Variants in ZNF280D observed in about 807,000 individuals in gnomAD.
ZNF280D encodes the protein zinc finger protein 280D, also known as suppressor of hairy wing homolog 4.
Under a neutral mutation model 94.7 loss-of-function variants are expected in ZNF280D, and 39 were observed. The ratio of observed to expected loss-of-function variants is 0.41; its 90% CI spans 0.32 to 0.54. The LOEUF is 0.54. ZNF280D is among the 20% of genes least tolerant of loss of function. ZNF280D has a pLI of 0.22. For missense variants in ZNF280D, 1,090 were observed against 1,149.3 expected (o/e 0.95, Z 0.75); for synonymous variants, 398 against 377.6 (o/e 1.05, Z -0.63).
chr15:56,707,092 A>C lies in ZNF280D; in HGVS notation c.18T>G (p.Phe6Leu). Residue 6 changes from phenylalanine to leucine, a missense_variant, in exon 3 of 22, where the codon TTT becomes TTG. Phe to Leu is a conservative substitution (Grantham distance 22, BLOSUM62 0). Around this residue, in one of 3 missense-constraint regions of ZNF280D, gnomAD observed 386 missense variants for 372.0 expected, o/e 1.04. Coordinates refer to ENST00000267807, the MANE Select transcript of ZNF280D (RefSeq NM_017661.4). MGDNPFQPKSNSKMAE... is the reference protein window; with the variant it reads MGDNPLQPKSNSKMAE... ...GGCAGCAACACTTACTTTTTGGTTG[A>C]AAAGGGTTGTCGCCCATCAAGCTGC... is the stretch of plus-strand genomic sequence containing the variant. 6.2e-7 allele frequency: 1 copy of C among 1,613,884 alleles called. No homozygotes were observed. The highest frequency in any genetic ancestry group is 8.5e-7 in the Non-Finnish European group (1 of 1,179,876).
intron 13 of ZNF280D, among the ~76,000 whole-genome samples, chr15:56,671,557 C>G (rs1276611260): frequency 6.6e-6 from 1 of 152,104 alleles, no homozygotes; most frequent in Admixed American, 6.6e-5. Flanking sequence ...GTTCCAGTAC[C>G]AAGCTGTTTT....
At chr15:56,731,553 TGGG>T (rs35874546) in intron 1 of ZNF280D, among the ~76,000 whole-genome samples, 1 of 112,346 alleles carries the variant, frequency 8.9e-6, no homozygotes, top group South Asian at 3.0e-4. Context: ...TTTGAAGAAA[TGGG>T]GGGAAATGTG....
intron 1 of ZNF280D, among the ~76,000 whole-genome samples, chr15:56,722,257 T>A (rs2141416236): frequency 6.6e-6 from 1 of 152,254 alleles, no homozygotes; most frequent in South Asian, 2.1e-4. Context: ...TAATTTAAAG[T>A]CTGAAATATT....
chr15:56,654,552 A>C, intron 17 of ZNF280D, 49 bp from the exon 18 acceptor site: 2 of 1,500,636 alleles, frequency 1.3e-6, no homozygotes, highest in East Asian at 4.6e-5. Context: ...ATGAAAATCC[A>C]CTTATAAGTT....
chr15:56,645,523 G>T (rs2052839145), intron 19 of ZNF280D, among the ~76,000 whole-genome samples: 2 of 152,062 alleles, frequency 1.3e-5, no homozygotes, highest in South Asian at 4.2e-4. Flanking sequence ...TTTTCTGCAG[G>T]TCTTAGGAGC....
intron 13 of ZNF280D, among the ~76,000 whole-genome samples, chr15:56,672,847 T>G (rs8036881): frequency 0.028 from 4,148 of 149,470 alleles, 179 homozygotes; most frequent in African/African-American, 0.096. Context: ...GGATCTTAAG[T>G]TTTTTTTTTC....
intron 1 of ZNF280D, among the ~76,000 whole-genome samples, chr15:56,728,936 G>A (rs956951909): frequency 6.6e-6 from 1 of 152,178 alleles, no homozygotes; most frequent in Non-Finnish European, 1.5e-5. Context: ...GCCAAGCTAC[G>A]ATGTTCAGTA....
intron 16 of ZNF280D, 27 bp from the exon 17 acceptor site, chr15:56,658,513 A>C: frequency 1.3e-6 from 2 of 1,481,576 alleles, no homozygotes; most frequent in Non-Finnish European, 1.8e-6. Context: ...GATAGTAAAA[A>C]TTTTATTATA....
At chr15:56,706,671 G>A (rs1456645503) in intron 3 of ZNF280D, among the ~76,000 whole-genome samples, 2 of 151,928 alleles carry the variant, frequency 1.3e-5, no homozygotes, top group Non-Finnish European at 2.9e-5. Flanking sequence ...ACTTTGTTAT[G>A]GCAGCCCTAG....
rs2054621333 is a variant in ZNF280D, at chr15:56,669,903, ATATATATATAT to A, written c.1411-957_1411-947del. On this transcript the variant is annotated intron_variant, in intron 13 of 21. Transcript: ENST00000267807. ...TATATATATATTATATATATATATAATATATATATATTATATATATATTATATATATATTAT... is the reference window on the plus strand; with the variant it reads ...TATATATATATTATATATATATATAATATATATATATTATATATATATTAT... Among the ~76,000 whole-genome samples the A allele has an allele frequency of 5.5e-3, 14 of 2,548 alleles. 3 individuals are homozygous for A. Among genetic ancestry groups the A allele is most frequent in the African/African-American group, 0.015 (14 of 920 alleles). 1.7% of individuals were successfully genotyped at this position (2,548 alleles called of 152,430 possible). A position where few individuals can be genotyped will look rare whatever the true frequency, so the allele number is the denominator to read the frequency against.
intron 1 of ZNF280D, among the ~76,000 whole-genome samples, chr15:56,732,369 C>T (rs762683062): frequency 2.0e-5 from 3 of 152,170 alleles, no homozygotes; most frequent in Non-Finnish European, 4.4e-5. Flanking sequence ...ACATCAGAGG[C>T]ACACAGCCCT....
At chr15:56,653,852 TTAAGA>T in intron 19 of ZNF280D, 1 of 1,242,314 alleles carries the variant, frequency 8.0e-7, no homozygotes, top group Non-Finnish European at 1.0e-6. Flanking sequence ...AAAAAATATG[TTAAGA>T]TATGTCAACC....
chr15:56,733,350 G>T, intron 1 of ZNF280D, 108 bp downstream of exon 1: 1 of 639,400 alleles, frequency 1.6e-6, no homozygotes, highest in Non-Finnish European at 1.9e-6. Context: ...GACCCGCGCC[G>T]GCCTCAAGAC....
intron 6 of ZNF280D, among the ~76,000 whole-genome samples, chr15:56,696,173 C>T (rs1379726203): frequency 6.6e-6 from 1 of 152,124 alleles, no homozygotes; most frequent in Non-Finnish European, 1.5e-5. Flanking sequence ...TTCTTTTTAT[C>T]ATGCCCTATG....
chr15:56,680,861 A>G (rs777111931), intron 10 of ZNF280D, among the ~76,000 whole-genome samples: 1 of 152,220 alleles, frequency 6.6e-6, no homozygotes, highest in Non-Finnish European at 1.5e-5. Flanking sequence ...CTCATATTTC[A>G]GTACAAGACA....
intron 10 of ZNF280D, among the ~76,000 whole-genome samples, chr15:56,680,982 C>CA (rs1415468981): frequency 1.3e-5 from 2 of 152,188 alleles, no homozygotes; most frequent in Non-Finnish European, 1.5e-5. Context: ...AACACTGTTT[C>CA]AACGTTTTAT....
intron 1 of ZNF280D, among the ~76,000 whole-genome samples, chr15:56,726,551 T>C (rs942196771): frequency 2.6e-5 from 4 of 152,208 alleles, no homozygotes; most frequent in Admixed American, 2.0e-4. Flanking sequence ...TGGCTTTATT[T>C]TTCCTACATC....
intron 16 of ZNF280D, among the ~76,000 whole-genome samples, chr15:56,659,610 C>G (rs1224451547): frequency 1.3e-5 from 2 of 151,918 alleles, no homozygotes; most frequent in African/African-American, 2.4e-5. Context: ...GAGCGTAATA[C>G]TATCCACAGT....
chr15:56,724,886 C>G (rs574698162), intron 1 of ZNF280D: 7 of 451,550 alleles, frequency 1.6e-5, no homozygotes, highest in Non-Finnish European at 3.1e-5. Flanking sequence ...TATTTTTTTT[C>G]TCATGGAATG....
Sources: gnomAD v4.1 joint callset for allele counts (sites outside exome capture counted in the v4.1 genomes callset) on GRCh38, gnomAD v4.1.1 for gene constraint, gnomAD v4.1.1 regional missense constraint, MANE v1.5 for transcripts, NCBI Gene and HGNC (gene_info 2026-07-23, HGNC 2026-07-21) for gene names.